ARSB: variants seen among roughly 807,000 people sequenced by gnomAD.
The protein encoded by ARSB is arylsulfatase B.
Under a neutral mutation model 50.9 loss-of-function variants are expected in ARSB, and 41 were observed. That is an observed-to-expected ratio of 0.81 (90% CI 0.63 to 1.04). The LOEUF (loss-of-function observed/expected upper bound fraction) is 1.04, where lower values mean the gene tolerates loss of function less well. ARSB is among the 50% of genes least tolerant of loss of function. The pLI, the probability that ARSB is intolerant of heterozygous loss-of-function variation, is 0.00. For synonymous variants in ARSB, 269 were observed against 284.8 expected (o/e 0.94, Z 0.56); for missense variants, 672 against 693.3 (o/e 0.97, Z 0.35).
intron 6 of ARSB, among the ~76,000 whole-genome samples, chr5:78,799,210 T>C (rs995027856): frequency 6.6e-6 from 1 of 152,170 alleles, no homozygotes; most frequent in African/African-American, 2.4e-5. Flanking sequence ...AGAGCAGCTT[T>C]GAAAAGGTCC....
chr5:78,791,908 C>T (rs925387767), intron 6 of ARSB, among the ~76,000 whole-genome samples: 1 of 152,034 alleles, frequency 6.6e-6, no homozygotes, highest in East Asian at 1.9e-4. Context: ...TTTTGGATGG[C>T]GCAGTGGTAT....
chr5:78,984,708 G>T lies in ARSB; in HGVS notation c.312+229C>A, dbSNP rs1402684. On this transcript the variant is annotated intron_variant, in intron 1 of 7. Coordinates refer to ENST00000264914, the MANE Select transcript of ARSB (RefSeq NM_000046.5). ...GACAAAGCCACCCGCCCAACCCGGCGGCCGGGGCGCGGGTCCGCGGGGCGC... is the reference window on the plus strand; with the variant it reads ...GACAAAGCCACCCGCCCAACCCGGCTGCCGGGGCGCGGGTCCGCGGGGCGC... Among the ~76,000 whole-genome samples the T allele has an allele frequency of 0.26, 38,955 of 152,042 alleles. 5,265 individuals are homozygous for T. Among genetic ancestry groups the T allele is most frequent in the Non-Finnish European group, 0.27 (18,414 of 67,934 alleles).
intron 6 of ARSB, among the ~76,000 whole-genome samples, chr5:78,822,246 G>C (rs772695610): frequency 6.6e-5 from 10 of 152,176 alleles, no homozygotes. Flanking sequence ...GAATAACATT[G>C]ACCTGGACCT....
intron 7 of ARSB, among the ~76,000 whole-genome samples, chr5:78,781,282 C>T (rs1748916433): frequency 6.6e-6 from 1 of 151,504 alleles, no homozygotes; most frequent in Non-Finnish European, 1.5e-5. Flanking sequence ...TTCCTTTCAC[C>T]CCTGCTACAG....
chr5:78,964,861 T>A lies in ARSB; in HGVS notation c.500-255A>T, dbSNP rs338465. Among the ~76,000 whole-genome samples the A allele has an allele frequency of 0.23, 35,052 of 152,110 alleles. 4,277 individuals carry two copies. Among genetic ancestry groups the A allele is most frequent in the Admixed American group, 0.3 (4,589 of 15,272 alleles). ...GCTATCATGTAACACTAACAGTTTT[T>A]TTTTTTATCAGAGTTGAAACTCAGT... On this transcript the variant is annotated intron_variant, in intron 2 of 7. Transcript: ENST00000264914.
intron 6 of ARSB, among the ~76,000 whole-genome samples, chr5:78,826,724 T>C (rs1017454594): frequency 3.9e-5 from 6 of 152,234 alleles, no homozygotes; most frequent in Non-Finnish European, 5.9e-5. Context: ...GCACAGGTGT[T>C]ACCCCTCATG....
chr5:78,964,272 T>C (rs2112513033), intron 3 of ARSB, 144 bp downstream of exon 3: 2 of 816,850 alleles, frequency 2.4e-6, no homozygotes, highest in Non-Finnish European at 3.9e-6. Flanking sequence ...CCCAGGCTGA[T>C]TCTGGGATAC....
chr5:78,952,838 T>C (rs1259136477), intron 4 of ARSB, among the ~76,000 whole-genome samples: 1 of 152,224 alleles, frequency 6.6e-6, no homozygotes. Flanking sequence ...ACTTGTTTTA[T>C]AAACTTATGA....
chr5:78,940,696 C>T (rs1003962383), intron 4 of ARSB, among the ~76,000 whole-genome samples: 5 of 152,096 alleles, frequency 3.3e-5, no homozygotes, highest in African/African-American at 4.8e-5. Context: ...AGCCTTGTAG[C>T]ATAGTTTGAA....
chr5:78,962,510 TC>T (rs2112507416), intron 3 of ARSB, among the ~76,000 whole-genome samples: 1 of 149,948 alleles, frequency 6.7e-6, no homozygotes, highest in African/African-American at 2.5e-5. Context: ...TGTTTTCACT[TC>T]TACATGTGCT....
At chr5:78,859,647 A>T (rs529744074) in intron 5 of ARSB, among the ~76,000 whole-genome samples, 6 of 152,244 alleles carry the variant, frequency 3.9e-5, no homozygotes, top group African/African-American at 1.4e-4. Context: ...CATGATCCCA[A>T]AGAAAGTAGA....
At chr5:78,928,167 G>GTC (rs903409199) in intron 4 of ARSB, among the ~76,000 whole-genome samples, 2 of 152,116 alleles carry the variant, frequency 1.3e-5, no homozygotes, top group African/African-American at 4.8e-5. Flanking sequence ...GAAGAGGGCT[G>GTC]TCTAACAGCC....
chr5:78,809,422 G>T (rs1294190465), intron 6 of ARSB, among the ~76,000 whole-genome samples: 1 of 152,236 alleles, frequency 6.6e-6, no homozygotes, highest in African/African-American at 2.4e-5. Flanking sequence ...AGAGCTTTCG[G>T]CACATAACAC....
At chr5:78,861,236 G>C (rs1276500345) in intron 5 of ARSB, among the ~76,000 whole-genome samples, 1 of 152,170 alleles carries the variant, frequency 6.6e-6, no homozygotes, top group Non-Finnish European at 1.5e-5. Flanking sequence ...AACAGAAAAA[G>C]AGGGAATCCT....
intron 6 of ARSB, among the ~76,000 whole-genome samples, chr5:78,823,410 C>T (rs1054305088): frequency 1.3e-5 from 2 of 152,220 alleles, no homozygotes; most frequent in Admixed American, 1.3e-4. Context: ...CTCCTAATCA[C>T]CTAGTTTCTC....
rs535739464 is a variant in ARSB at position 78,873,724 on chromosome 5, T to C, written c.1142+11860A>G. 1.2e-4 allele frequency among the ~76,000 whole-genome samples: 18 copies of C among 151,826 alleles called. No homozygotes were observed. In the East Asian group the frequency reaches 3.1e-3, roughly 26 times the overall value. The stretch of plus-strand genomic sequence containing the variant: ...TTTAGCCGGGATGGTCTCGATCTCC[T>C]GACCTTGTGATCCGCCCGCCTCGGC... On this transcript the variant is annotated intron_variant, in intron 5 of 7. Coordinates refer to ENST00000264914, the MANE Select transcript of ARSB (RefSeq NM_000046.5).
chr5:78,873,637 AG>A (rs1747341159), intron 5 of ARSB, among the ~76,000 whole-genome samples: 1 of 148,400 alleles, frequency 6.7e-6, no homozygotes, highest in Non-Finnish European at 1.5e-5. Flanking sequence ...CTGGGACTAC[AG>A]GCGCCCGCCA....
intron 2 of ARSB, among the ~76,000 whole-genome samples, chr5:78,967,803 C>T (rs1752267782): frequency 6.6e-6 from 1 of 151,986 alleles, no homozygotes; most frequent in Non-Finnish European, 1.5e-5. Context: ...ATTATTTAAT[C>T]CTGTTTAAAC....
chr5:78,827,347 T>C (rs1744480366), intron 6 of ARSB, among the ~76,000 whole-genome samples: 1 of 152,200 alleles, frequency 6.6e-6, no homozygotes, highest in African/African-American at 2.4e-5. Context: ...TAACTGGGAC[T>C]ACAGGTGTGT....
Sources: gnomAD v4.1 joint callset for allele counts (sites outside exome capture counted in the v4.1 genomes callset) on GRCh38, gnomAD v4.1.1 for gene constraint, MANE v1.5 for transcripts, NCBI Gene and HGNC (gene_info 2026-07-23, HGNC 2026-07-21) for gene names.